The following GLG1 variants were observed in gnomAD, a reference collection of about 807,000 sequenced individuals.
GLG1 encodes golgi glycoprotein 1.
GLG1 carries 38 observed loss-of-function variants against 160.5 expected under a neutral mutation model. The ratio of observed to expected loss-of-function variants is 0.24; its 90% confidence interval spans 0.18 to 0.31. The LOEUF (loss-of-function observed/expected upper bound fraction) is 0.31, where lower values mean the gene tolerates loss of function less well. Among genes scored for constraint, GLG1 ranks in the 10% least tolerant of loss-of-function variants. GLG1 has a pLI of 1.00. For missense variants in GLG1, 1,373 were observed against 1,505.2 expected (o/e 0.91, Z 1.45); for synonymous variants, 644 against 543.4 (o/e 1.19, Z -2.57).
intron 20 of GLG1, 191 bp from the exon 21 acceptor site, chr16:74,462,821 A>T: frequency 1.7e-6 from 1 of 603,556 alleles, no homozygotes; most frequent in Admixed American, 3.0e-5. Flanking sequence ...GTTAACGAGT[A>T]CTTCTGGAGG....
intron 1 of GLG1, among the ~76,000 whole-genome samples, chr16:74,595,509 C>T (rs1958278469): frequency 6.6e-6 from 1 of 152,198 alleles, no homozygotes; most frequent in African/African-American, 2.4e-5. Flanking sequence ...TGCACTCCCG[C>T]CTGGGCGACA....
intron 1 of GLG1, among the ~76,000 whole-genome samples, chr16:74,565,776 G>C (rs1178131855): frequency 6.6e-6 from 1 of 152,210 alleles, no homozygotes; most frequent in East Asian, 1.9e-4. Flanking sequence ...AAATTTGTCT[G>C]AAGTTTTTCT....
chr16:74,464,371 G>T (rs149516641), intron 19 of GLG1, among the ~76,000 whole-genome samples: 1 of 152,234 alleles, frequency 6.6e-6, no homozygotes, highest in Non-Finnish European at 1.5e-5. Flanking sequence ...TTAATTACAG[G>T]GCTATAATCC....
chr16:74,547,371 A>T (rs541473563), intron 1 of GLG1, among the ~76,000 whole-genome samples: 1 of 151,868 alleles, frequency 6.6e-6, no homozygotes, highest in African/African-American at 2.4e-5. Context: ...ATTTAAGATT[A>T]AGCAGATCTA....
chr16:74,575,983 TG>T (rs2018991474), intron 1 of GLG1, among the ~76,000 whole-genome samples: 1 of 152,104 alleles, frequency 6.6e-6, no homozygotes, highest in African/African-American at 2.4e-5. Context: ...GCAGATCACC[TG>T]AGGTCAAGAG....
chr16:74,537,047 G>T (rs1019088569), intron 1 of GLG1, among the ~76,000 whole-genome samples: 1 of 152,050 alleles, frequency 6.6e-6, no homozygotes, highest in Non-Finnish European at 1.5e-5. Flanking sequence ...ATGGAAAACT[G>T]TAAGAAAAAA....
At chr16:74,589,011 G>T (rs950626885) in intron 1 of GLG1, among the ~76,000 whole-genome samples, 2 of 151,840 alleles carry the variant, frequency 1.3e-5, no homozygotes, top group East Asian at 1.9e-4. Context: ...GGAGGCTGAG[G>T]GGGGTGGATA....
rs1206739779 is a variant in GLG1 at position 74,477,386 on chromosome 16, T to C, written c.1965+10A>G. 3 of 1,602,688 alleles carry C rather than the reference T, an allele frequency of 1.9e-6. No individual in the cohort carries two copies. Among genetic ancestry groups the C allele is most frequent in the East Asian group, 2.2e-5 (1 of 44,812 alleles). On this transcript the variant is annotated intron_variant, in intron 12 of 25. Coordinates refer to ENST00000422840, the MANE Select transcript of GLG1 (RefSeq NM_001145667.2). ...TTATTGTAAGACAAACAGAAAGCGA[T>C]GTCACCTACCTGTCCAGTCTCTGTT...
chr16:74,530,638 T>C (rs2017503346), intron 2 of GLG1, among the ~76,000 whole-genome samples: 1 of 152,074 alleles, frequency 6.6e-6, no homozygotes, highest in South Asian at 2.1e-4. Context: ...TTATCCTTTT[T>C]TTTTTTTTCT....
At chr16:74,591,152 G>T (rs1170505233) in intron 1 of GLG1, among the ~76,000 whole-genome samples, 1 of 151,864 alleles carries the variant, frequency 6.6e-6, no homozygotes, top group African/African-American at 2.4e-5. Flanking sequence ...CCAACACGGT[G>T]AAACCCCGTC....
intron 7 of GLG1, 76 bp downstream of exon 7, chr16:74,492,881 T>C (rs2016052868): frequency 1.3e-6 from 1 of 787,122 alleles, no homozygotes; most frequent in Non-Finnish European, 1.8e-6. Context: ...AAACTAACGT[T>C]TATATATATA....
At chr16:74,588,012 C>CT (rs1185059129) in intron 1 of GLG1, among the ~76,000 whole-genome samples, 3 of 151,682 alleles carry the variant, frequency 2.0e-5, no homozygotes, top group Admixed American at 1.3e-4. Context: ...TAATAGCTGA[C>CT]TGAAAACTAC....
At position 74,607,081 on chromosome 16, in the gene GLG1, C is replaced by A. The variant is rs760208774; in HGVS notation, c.14G>T (p.Gly5Val). 2.6e-6 allele frequency: 4 copies of A among 1,551,712 alleles called. No individual in the cohort carries two copies. The highest frequency in any genetic ancestry group is 3.5e-6 in the Non-Finnish European group (4 of 1,148,642). ...CAAGCGGAACATCCTCCGTACACGT[C>A]CACACGCCGCCATCTTGAGTCCGCG... MAAC[G>V]RVRRMFRLSA... The change falls in exon 1 of 26, where the codon GGA (glycine) becomes GTA (valine). Residue 5 changes from glycine (G) to valine (V), a missense_variant. Physicochemically the swap from Gly to Val is moderately radical, Grantham distance 109. This residue lies in a region of GLG1 where 322 missense variants were observed against 254.6 expected (regional missense o/e 1.26). Coordinates refer to ENST00000422840, the MANE Select transcript of GLG1 (RefSeq NM_001145667.2).
At chr16:74,533,264 T>G (rs1015532479) in intron 1 of GLG1, among the ~76,000 whole-genome samples, 1 of 152,034 alleles carries the variant, frequency 6.6e-6, no homozygotes, top group Non-Finnish European at 1.5e-5. Context: ...GAGCTTGCAG[T>G]GAACCGAGAT....
intron 2 of GLG1, among the ~76,000 whole-genome samples, chr16:74,514,804 T>C (rs1029712477): frequency 3.9e-5 from 6 of 152,202 alleles, no homozygotes; most frequent in Non-Finnish European, 8.8e-5. Flanking sequence ...TAACCTTAAA[T>C]GTAAATGGGC....
intron 1 of GLG1, among the ~76,000 whole-genome samples, chr16:74,591,524 A>C (rs1469705257): frequency 6.6e-6 from 1 of 151,674 alleles, no homozygotes; most frequent in African/African-American, 2.4e-5. Context: ...GCTACGTGGG[A>C]GGCTGAGGCA....
Position 74,470,137 on chromosome 16 carries a change from C to T in GLG1, c.2230-64G>A, listed in dbSNP as rs555808167. The T allele has an allele frequency of 2.8e-4, 267 of 954,988 alleles. No individual in the cohort carries two copies. In the African/African-American group the frequency reaches 3.1e-3, roughly 11 times the overall value. 59.2% of individuals were successfully genotyped at this position (954,988 alleles called of 1,614,324 possible). A position where few individuals can be genotyped will look rare whatever the true frequency, so the allele number is the denominator to read the frequency against. On this transcript the variant is annotated intron_variant, in intron 15 of 25. Coordinates refer to ENST00000422840, the MANE Select transcript of GLG1 (RefSeq NM_001145667.2). Reference sequence around the variant, plus strand: ...CAACTTGTGGTCAGTAGTGGTAGGGCGCACTTTTTCATATAGCTCTCACAA... The same window carrying T: ...CAACTTGTGGTCAGTAGTGGTAGGGTGCACTTTTTCATATAGCTCTCACAA...
rs1217037566 is a variant in GLG1, at chr16:74,607,106, G to A, written c.-12C>T. ...CCACACGCCGCCATCTTGAGTCCGCGGCGAGCTCGACGCACTCGCCGGCGC... is the reference window on the plus strand; with the variant it reads ...CCACACGCCGCCATCTTGAGTCCGCAGCGAGCTCGACGCACTCGCCGGCGC... On this transcript the variant is annotated 5_prime_UTR_variant, in exon 1 of 26. Coordinates refer to ENST00000422840, the MANE Select transcript of GLG1 (RefSeq NM_001145667.2). 9 of 1,517,224 alleles carry A rather than the reference G, an allele frequency of 5.9e-6. No individual in the cohort carries two copies. Among genetic ancestry groups the A allele is most frequent in the South Asian group, 2.4e-5 (2 of 82,390 alleles). The allele number at this position is 1,517,224 out of a possible 1,614,324, so 94.0% of individuals were successfully genotyped here.
chr16:74,577,757 C>T (rs1354763843), intron 1 of GLG1, among the ~76,000 whole-genome samples: 11 of 151,972 alleles, frequency 7.2e-5, no homozygotes, highest in Admixed American at 7.2e-4. Flanking sequence ...ACCACAGGCA[C>T]TACCAGCCAC....
Sources: allele counts gnomAD v4.1 joint callset (sites outside exome capture counted in the v4.1 genomes callset), GRCh38; gene constraint gnomAD v4.1.1; regional missense constraint gnomAD v4.1.1; transcripts MANE v1.5; gene names NCBI Gene and HGNC (gene_info 2026-07-23, HGNC 2026-07-21).